MYBBP1A: variants seen among roughly 807,000 people sequenced by gnomAD.
The protein encoded by MYBBP1A is MYB binding protein 1a.
MYBBP1A carries 147 observed loss-of-function variants against 136.3 expected under a neutral mutation model. That is an observed-to-expected ratio of 1.08 (90% confidence interval 0.94 to 1.24). MYBBP1A has a LOEUF of 1.24. MYBBP1A is among the 50% of genes most tolerant of loss of function. The pLI, the probability that MYBBP1A is intolerant of heterozygous loss-of-function variation, is 0.00. For missense variants in MYBBP1A, 2,060 were observed against 1,727.4 expected (o/e 1.19, Z -3.41); for synonymous variants, 947 against 735.8 (o/e 1.29, Z -4.65).
chr17:4,553,065 G>A (rs1319431210), intron 5 of MYBBP1A, among the ~76,000 whole-genome samples: 2 of 152,140 alleles, frequency 1.3e-5, no homozygotes, highest in African/African-American at 2.4e-5. Context: ...CAAGTGATCT[G>A]CCCACCTCGG....
rs568585405 is a variant in MYBBP1A at position 4,548,783 on chromosome 17, C to T, written c.1431-134G>A. 162 of 1,271,528 alleles carry T rather than the reference C, an allele frequency of 1.3e-4. No individual in the cohort carries two copies. Among genetic ancestry groups the T allele is most frequent in the Admixed American group, 1.2e-3 (51 of 41,638 alleles). The allele number at this position is 1,271,528 out of a possible 1,614,324, so 78.8% of individuals were successfully genotyped here. A position where few individuals can be genotyped will look rare whatever the true frequency, so the allele number is the denominator to read the frequency against. On this transcript the variant is annotated intron_variant, in intron 10 of 25. Coordinates refer to ENST00000254718, the MANE Select transcript of MYBBP1A (RefSeq NM_014520.4). The surrounding 1 kb of genome is among the most constrained non-coding windows in gnomAD (Gnocchi z 4.2). ...GCCCTTCTGCCCTGGGTACAGTCCT[C>T]GGGGGCCTGACGGGCAAGGCTGGAG...
chr17:4,554,710 C>T (rs76395158), intron 2 of MYBBP1A, 151 bp downstream of exon 2: 15,603 of 684,518 alleles, frequency 0.023, 272 homozygotes, highest in South Asian at 0.052. Flanking sequence ...CATGAAGAGG[C>T]CTCCCTCAGG....
Position 4,539,531 on chromosome 17 carries a change from G to T in MYBBP1A, c.3871C>A (p.Pro1291Thr). 1 of 1,614,120 alleles carries T rather than the reference G, an allele frequency of 6.2e-7. No individual in the cohort carries two copies. Among genetic ancestry groups the T allele is most frequent in the East Asian group, 2.2e-5 (1 of 44,880 alleles). The change falls in exon 26 of 26, where the codon CCA (proline) becomes ACA (threonine). Residue 1291 changes from proline (P) to threonine (T), a missense_variant. Pro to Thr is a conservative substitution (Grantham distance 38). Transcript: ENST00000254718. Reference protein sequence around the residue: ...LPKKGVLGKSPLSALARKKAR... With the variant: ...LPKKGVLGKSTLSALARKKAR... ...TTTTTCCGTGCCAGCGCGGACAGTG[G>T]TGATTTGCCCAAGACCCCCTTTTTG...
rs62620242 is a variant in MYBBP1A, at chr17:4,539,636, G to A, written c.3766C>T (p.Gln1256Ter). 3.9e-4 allele frequency: 622 copies of A among 1,612,882 alleles called. 4 individuals are homozygous for A. The African/African-American group carries it at 7.2e-3, about 19-fold the overall frequency. ...AKSPKLQKKN[Q>*]KPSQVNGAPG... is the part of the protein sequence containing the mutation. ...GCTCCATTCACCTGGGACGGCTTCTGGTTTTTCTTCTGCAGTTTTGGGGAT... is the reference window on the plus strand; with the variant it reads ...GCTCCATTCACCTGGGACGGCTTCTAGTTTTTCTTCTGCAGTTTTGGGGAT... Residue 1256 changes from glutamine (Q) to a stop codon, truncating the protein, a stop_gained, in exon 26 of 26, where the codon CAG becomes TAG. Transcript: ENST00000254718. LOFTEE classifies it low-confidence loss of function (END_TRUNC).
intron 2 of MYBBP1A, 32 bp from the exon 3 acceptor site, chr17:4,554,310 G>A: frequency 6.3e-7 from 1 of 1,590,254 alleles, no homozygotes; most frequent in Non-Finnish European, 8.6e-7. Flanking sequence ...GAGGAAGAGG[G>A]TTCAGGAGAG....
chr17:4,545,614 A>G lies in MYBBP1A; in HGVS notation c.2069T>C (p.Leu690Pro). Residue 690 changes from leucine to proline, a missense_variant, in exon 15 of 26, where the codon CTG (leucine) becomes CCG (proline). Leu to Pro is a moderately conservative substitution (Grantham distance 98). Coordinates refer to ENST00000254718, the MANE Select transcript of MYBBP1A (RefSeq NM_014520.4). ...CTCCCAAAGGTCCCAACTCACATCC[A>G]GAATTAGCTGCAGGGCACGCGGGGT... ...HLTPRALQLI[L>P]DVLNPETSED... 6.3e-7 allele frequency: 1 copy of G among 1,583,150 alleles called. No individual in the cohort carries two copies. Among genetic ancestry groups the G allele is most frequent in the Admixed American group, 1.7e-5 (1 of 57,582 alleles).
At position 4,545,769 on chromosome 17, in the gene MYBBP1A, A is replaced by G; in HGVS notation, c.1922-8T>C. 2.5e-6 allele frequency: 4 copies of G among 1,606,374 alleles called. No homozygotes were observed. The highest frequency in any genetic ancestry group is 3.4e-6 in the Non-Finnish European group (4 of 1,175,468). ...ACGGGGGTTCCTGGGGGTCTGCAAG[A>G]GGGAGGGGTTGAGCCCGGATAGGGG... On this transcript the variant is annotated splice_polypyrimidine_tract_variant and splice_region_variant and intron_variant, in intron 14 of 25. Transcript: ENST00000254718.
chr17:4,544,845 A>G lies in MYBBP1A; in HGVS notation c.2387T>C (p.Leu796Pro). The G allele has an allele frequency of 6.2e-7, 1 of 1,607,124 alleles. No homozygotes were observed. The highest frequency in any genetic ancestry group is 8.5e-7 in the Non-Finnish European group (1 of 1,177,470). The change falls in exon 18 of 26, where the codon CTC becomes CCC. Residue 796 changes from leucine to proline, a missense_variant. Leu to Pro is a moderately conservative substitution (Grantham distance 98, BLOSUM62 -3). Coordinates refer to ENST00000254718, the MANE Select transcript of MYBBP1A (RefSeq NM_014520.4). ...GATACGCAGCTTCTGCTCGGCAAAGAGGCTGGCGAGGCTCTGGTCCAGGGC... is the reference window on the plus strand; with the variant it reads ...GATACGCAGCTTCTGCTCGGCAAAGGGGCTGGCGAGGCTCTGGTCCAGGGC... Reference protein sequence around the residue: ...MMALDQSLASLFAEQKLRIQA... With the variant: ...MMALDQSLASPFAEQKLRIQA...
At position 4,552,343 on chromosome 17, in the gene MYBBP1A, G is replaced by T. The variant is rs896800517; in HGVS notation, c.738-51C>A. The T allele has an allele frequency of 6.2e-7, 1 of 1,609,974 alleles. No homozygotes were observed. Among genetic ancestry groups the T allele is most frequent in the Non-Finnish European group, 8.5e-7 (1 of 1,178,322 alleles). ...ACACTTGCCTCACAGGCAAGGGCCA[G>T]GGTGACAAGAGCAGCCGGGACACCC... On this transcript the variant is annotated intron_variant, in intron 6 of 25. Coordinates refer to ENST00000254718, the MANE Select transcript of MYBBP1A (RefSeq NM_014520.4). The surrounding 1 kb of genome is among the most constrained non-coding windows in gnomAD (Gnocchi z 4.7).
intron 8 of MYBBP1A, 127 bp downstream of exon 8, chr17:4,551,753 A>C (rs1907523799): frequency 2.5e-6 from 2 of 798,442 alleles, no homozygotes; most frequent in African/African-American, 1.7e-5. Flanking sequence ...CAGGCAGCTC[A>C]CTACCCAGAC....
Position 4,545,683 on chromosome 17 carries a change from C to G in MYBBP1A, c.2000G>C (p.Arg667Pro), listed in dbSNP as rs774454773. ...GCCAAACACGCTCCGGGCCACCTGG[C>G]GCATGAGGTGGCTGGGCTGGGCCAA... ...ALLAQPSHLM[R>P]QVARSVFGHI... Residue 667 changes from arginine (R) to proline (P), a missense_variant, in exon 15 of 26, where the codon CGC (arginine) becomes CCC (proline). Coordinates refer to ENST00000254718, the MANE Select transcript of MYBBP1A (RefSeq NM_014520.4). The G allele has an allele frequency of 6.2e-7, 1 of 1,611,316 alleles. No homozygotes were observed. Among genetic ancestry groups the G allele is most frequent in the Non-Finnish European group, 8.5e-7 (1 of 1,178,310 alleles).
At chr17:4,554,824 C>T in intron 2 of MYBBP1A, 37 bp downstream of exon 2, 2 of 1,601,738 alleles carry the variant, frequency 1.2e-6, no homozygotes, top group Admixed American at 1.7e-5. Context: ...CCATTTTGAC[C>T]TGGATGGCTG....
chr17:4,548,025 T>C lies in MYBBP1A; in HGVS notation c.1757A>G (p.His586Arg). ...MLQTLKELEA[H>R]SAEARAAAFQ... ...GGCAGCAGCCCTGGCCTCTGCGGAG[T>C]GGGCCTCCAGCTCCTTCAGAGTCTG... is the stretch of plus-strand genomic sequence containing the variant. Residue 586 changes from histidine to arginine, a missense_variant, in exon 13 of 26, where the codon CAC becomes CGC. By Grantham distance (29) the His-to-Arg change is conservative. Transcript: ENST00000254718. This position sits in a 1 kb window ranked among gnomAD's most constrained non-coding sequence, Gnocchi z 4.2. 1 of 1,552,292 alleles carries C rather than the reference T, an allele frequency of 6.4e-7. No homozygotes were observed. The highest frequency in any genetic ancestry group is 1.2e-5 in the South Asian group (1 of 84,994).
chr17:4,553,592 AAAT>A (rs780984173), intron 5 of MYBBP1A, among the ~76,000 whole-genome samples: 2 of 152,268 alleles, frequency 1.3e-5, no homozygotes, highest in African/African-American at 2.4e-5. Context: ...ATGCACACTG[AAAT>A]AATATTTTAG....
chr17:4,542,277 G>A, intron 22 of MYBBP1A, 187 bp downstream of exon 22: 1 of 661,418 alleles, frequency 1.5e-6, no homozygotes, highest in Non-Finnish European at 2.6e-6. Flanking sequence ...TGTTCACTGT[G>A]TGGCAGGGGC....
rs534828616 is a variant in MYBBP1A at position 4,547,781 on chromosome 17, G to A, written c.1824+177C>T. 6 of 542,948 alleles carry A rather than the reference G, an allele frequency of 1.1e-5. No homozygotes were observed. The East Asian group carries it at 1.2e-4, about 11-fold the overall frequency. 33.6% of individuals were successfully genotyped at this position (542,948 alleles called of 1,614,324 possible). ...AAAGCCTAGGACACCAGCTGGTGCC[G>A]CTAAGTGGCCGGAGGGATGTTTCCA... On this transcript the variant is annotated intron_variant, in intron 13 of 25. Transcript: ENST00000254718.
In MYBBP1A at chr17:4,548,275, G is replaced by A. The variant is rs142700966; in HGVS notation, c.1592C>T (p.Ala531Val). The A allele has an allele frequency of 4.5e-5, 73 of 1,612,540 alleles. No homozygotes were observed. Among genetic ancestry groups the A allele is most frequent in the Non-Finnish European group, 5.7e-5 (67 of 1,180,006 alleles). Residue 531 changes from alanine (A) to valine (V), a missense_variant, in exon 12 of 26, where the codon GCA becomes GTA. By Grantham distance (64) the Ala-to-Val change is moderately conservative. Transcript: ENST00000254718. This position sits in a 1 kb window ranked among gnomAD's most constrained non-coding sequence, Gnocchi z 4.2. ...CTGCCCACCCTGGGTCTGGCCCGGT[G>A]CCTGCTTGAACTGCGTGCTGAGGGT... ...LQTLSTQFKQ[A>V]PGQTQGGQPW...
chr17:4,546,726 G>A (rs552007708), intron 13 of MYBBP1A, among the ~76,000 whole-genome samples: 5 of 152,212 alleles, frequency 3.3e-5, no homozygotes, highest in Admixed American at 1.3e-4. Flanking sequence ...GCGCATGTGC[G>A]TGTGCAGGAG....
chr17:4,539,197 C>G lies in MYBBP1A; in HGVS notation c.*218G>C, dbSNP rs937400894. The G allele has an allele frequency of 6.9e-7, 1 of 1,451,708 alleles. No homozygotes were observed. The highest frequency in any genetic ancestry group is 1.4e-5 in the African/African-American group (1 of 69,970). 89.9% of individuals were successfully genotyped at this position (1,451,708 alleles called of 1,614,324 possible). On this transcript the variant is annotated 3_prime_UTR_variant, in exon 26 of 26. Transcript: ENST00000254718. ...TGGAGCCAGGGTCCCAGCCCAGAAC[C>G]GGGGGTGGGGAGGTCTCTGCACCCT...
Sources: gnomAD v4.1 joint callset for allele counts (sites outside exome capture counted in the v4.1 genomes callset) on GRCh38, gnomAD v4.1.1 for gene constraint, Gnocchi (gnomAD v3.1) non-coding constraint, MANE v1.5 for transcripts, NCBI Gene and HGNC (gene_info 2026-07-23, HGNC 2026-07-21) for gene names.